Variants in GBP7 observed in about 807,000 individuals in gnomAD.
GBP7 encodes the protein guanylate binding protein 7.
GBP7 carries 43 observed loss-of-function variants against 61.3 expected under a neutral mutation model. The observed-to-expected ratio is 0.70, with a 90% CI of 0.55 to 0.91. The LOEUF is 0.91. GBP7 is among the 40% of genes least tolerant of loss of function. The pLI is 0.00. For missense variants in GBP7, 717 were observed against 740.5 expected (o/e 0.97, Z 0.37); for synonymous variants, 267 against 271.0 (o/e 0.99, Z 0.14).
chr1:89,171,750 G>A lies in GBP7; in HGVS notation c.186C>T (p.Asn62=), dbSNP rs373091260. 2.7e-5 allele frequency: 43 copies of A among 1,612,078 alleles called. No individual in the cohort carries two copies. Among genetic ancestry groups the A allele is most frequent in the Non-Finnish European group, 3.4e-5 (40 of 1,179,418 alleles). The change falls in exon 2 of 11, where the codon AAC becomes AAT. Residue 62 remains asparagine (N), a synonymous_variant. Coordinates refer to ENST00000294671, the MANE Select transcript of GBP7 (RefSeq NM_207398.3). ...TGCTTTGCTGGTGCCACTCACCTTT[G>A]TTCTTCCCAGCCAGCTTGTTCATTA... is the stretch of plus-strand genomic sequence containing the variant. The part of the protein sequence containing the change: ...SYLMNKLAGK[N]KGFPLGCTVK...
chr1:89,135,365 A>G (rs1681775759), intron 9 of GBP7, among the ~76,000 whole-genome samples: 1 of 152,160 alleles, frequency 6.6e-6, no homozygotes, highest in Non-Finnish European at 1.5e-5. Flanking sequence ...GATCCTATAC[A>G]AGATGACCAT....
intron 5 of GBP7, among the ~76,000 whole-genome samples, chr1:89,150,942 G>C (rs1682183286): frequency 6.6e-6 from 1 of 152,116 alleles, no homozygotes; most frequent in South Asian, 2.1e-4. Context: ...TTTAAAAATT[G>C]TATATATTTA....
Position 89,147,590 on chromosome 1 carries a change from G to T in GBP7, c.1342C>A (p.Leu448Ile), listed in dbSNP as rs1406069114. 3.7e-6 allele frequency: 6 copies of T among 1,613,794 alleles called. No individual in the cohort carries two copies. Among genetic ancestry groups the T allele is most frequent in the Non-Finnish European group, 5.1e-6 (6 of 1,179,764 alleles). Residue 448 changes from leucine (L) to isoleucine (I), a missense_variant, in exon 8 of 11, where the codon CTA becomes ATA. Leu to Ile is a conservative substitution (Grantham distance 5, BLOSUM62 2). Transcript: ENST00000294671. ...ACCTTAACTCCTTTTCTGGGCACTA[G>T]TGTATAGTCCTGTTCAATCTTCTTT... ...AKKKIEQDYTLVPRKGVKADE... is the reference protein window; with the variant it reads ...AKKKIEQDYTIVPRKGVKADE...
chr1:89,138,058 T>G (rs1385391420), intron 9 of GBP7, among the ~76,000 whole-genome samples: 1 of 151,902 alleles, frequency 6.6e-6, no homozygotes, highest in Admixed American at 6.6e-5. Flanking sequence ...ATAGCTATTG[T>G]GAATAACCAA....
At chr1:89,157,580 C>T (rs575398268) in intron 3 of GBP7, among the ~76,000 whole-genome samples, 7 of 152,260 alleles carry the variant, frequency 4.6e-5, no homozygotes, top group African/African-American at 1.7e-4. Context: ...ATAAACACCT[C>T]TACCAAATAA....
At chr1:89,171,356 A>G (rs1003678328) in intron 2 of GBP7, among the ~76,000 whole-genome samples, 3 of 152,172 alleles carry the variant, frequency 2.0e-5, no homozygotes, top group Non-Finnish European at 4.4e-5. Context: ...TAAAAGAGAT[A>G]AGAGAAATTA....
chr1:89,135,925 T>C (rs1285383201), intron 9 of GBP7, among the ~76,000 whole-genome samples: 2 of 152,116 alleles, frequency 1.3e-5, no homozygotes. Flanking sequence ...ACCAATCTCA[T>C]ATGCAATTAC....
chr1:89,135,172 A>G (rs1395989873), intron 9 of GBP7, among the ~76,000 whole-genome samples: 4 of 152,320 alleles, frequency 2.6e-5, no homozygotes, highest in South Asian at 4.1e-4. Flanking sequence ...AAAAGAATGA[A>G]CAAAATCTCA....
chr1:89,163,833 TTTTC>T (rs1647343095), intron 3 of GBP7, among the ~76,000 whole-genome samples: 1 of 151,940 alleles, frequency 6.6e-6, no homozygotes, highest in Admixed American at 6.6e-5. Context: ...GGTGGTTTTC[TTTTC>T]TTTTTCTTTC....
At chr1:89,171,999 T>C in intron 1 of GBP7, 45 bp from the exon 2 acceptor site, 1 of 1,360,752 alleles carries the variant, frequency 7.3e-7, no homozygotes. Flanking sequence ...GGTAAGTCAG[T>C]TGAGCTGAAA....
intron 3 of GBP7, among the ~76,000 whole-genome samples, chr1:89,164,019 G>A (rs893797903): frequency 4.0e-5 from 6 of 151,878 alleles, no homozygotes; most frequent in Admixed American, 1.3e-4. Flanking sequence ...ACAGGTGCCC[G>A]CCTCTGCGCT....
chr1:89,165,848 G>A (rs892405634), intron 2 of GBP7, among the ~76,000 whole-genome samples: 25 of 152,148 alleles, frequency 1.6e-4, no homozygotes, highest in African/African-American at 5.8e-4. Flanking sequence ...GCAAACCACC[G>A]TGACACGTGT....
intron 3 of GBP7, among the ~76,000 whole-genome samples, chr1:89,153,464 A>ATACTAC (rs1682249087): frequency 6.6e-6 from 1 of 152,234 alleles, no homozygotes; most frequent in Non-Finnish European, 1.5e-5. Context: ...ACAGCATAGT[A>ATACTAC]AGTATGTAGT....
In GBP7 at chr1:89,132,023, G is replaced by T; in HGVS notation, c.*126C>A. On this transcript the variant is annotated 3_prime_UTR_variant, in exon 11 of 11. Coordinates refer to ENST00000294671, the MANE Select transcript of GBP7 (RefSeq NM_207398.3). ...TAGTCAAAATTAAGTTTGTTTTTATGAACTTCAGGCCATAATATTCTTTGA... is the reference window on the plus strand; with the variant it reads ...TAGTCAAAATTAAGTTTGTTTTTATTAACTTCAGGCCATAATATTCTTTGA... 3.2e-6 allele frequency: 2 copies of T among 621,670 alleles called. No homozygotes were observed. Among genetic ancestry groups the T allele is most frequent in the South Asian group, 3.4e-5 (1 of 29,570 alleles). 38.5% of individuals were successfully genotyped at this position (621,670 alleles called of 1,614,324 possible).
At chr1:89,148,560 A>G (rs1278725848) in intron 7 of GBP7, among the ~76,000 whole-genome samples, 1 of 152,268 alleles carries the variant, frequency 6.6e-6, no homozygotes, top group African/African-American at 2.4e-5. Context: ...AGCTCTTTGA[A>G]AGCAGAGCTT....
rs773334605 is a variant in GBP7 at position 89,164,773 on chromosome 1, G to T, written c.276C>A (p.Thr92=). The change falls in exon 3 of 11, where the codon ACC becomes ACA. Residue 92 remains threonine (T), a synonymous_variant. Transcript: ENST00000294671. The stretch of plus-strand genomic sequence containing the variant: ...GGCCCTCCGTGTCCAGAAGGATCAG[G>T]GTGTGGTTTGGCTTGGAGGGGTGGG... ...CVPHPSKPNH[T]LILLDTEGLG... The T allele has an allele frequency of 1.2e-6, 2 of 1,613,838 alleles. No individual in the cohort carries two copies. Among genetic ancestry groups the T allele is most frequent in the South Asian group, 1.1e-5 (1 of 91,080 alleles).
Position 89,149,541 on chromosome 1 carries a change from A to G in GBP7, c.903T>C (p.Asp301=), listed in dbSNP as rs748840195. The part of the protein sequence containing the change: ...RLGMLVETYL[D]AINSGATPCL... Reference sequence around the variant, plus strand: ...AAGGAGTCGCTCCACTGTTGATGGCATCCAGGTAGGTCTCCACCAGCATCC... The same window carrying G: ...AAGGAGTCGCTCCACTGTTGATGGCGTCCAGGTAGGTCTCCACCAGCATCC... The change falls in exon 7 of 11, where the codon GAT becomes GAC. Residue 301 remains aspartate, a synonymous_variant. Coordinates refer to ENST00000294671, the MANE Select transcript of GBP7 (RefSeq NM_207398.3). 2 of 1,614,052 alleles carry G rather than the reference A, an allele frequency of 1.2e-6. No homozygotes were observed. The highest frequency in any genetic ancestry group is 2.2e-5 in the East Asian group (1 of 44,882).
intron 3 of GBP7, among the ~76,000 whole-genome samples, chr1:89,160,971 T>C (rs1023005868): frequency 3.0e-4 from 46 of 152,140 alleles, no homozygotes; most frequent in African/African-American, 1.1e-3. Flanking sequence ...ATGTGTGTTG[T>C]TTCCCTCTAT....
chr1:89,133,589 C>G lies in GBP7; in HGVS notation c.1469-138G>C, dbSNP rs1570336166. On this transcript the variant is annotated intron_variant, in intron 9 of 10. Transcript: ENST00000294671. ...GTAAAGAAGACTGATAAACTCCAAG[C>G]AGGACTTCAGAAGGAAGGCATTGAG... 4.5e-6 allele frequency: 3 copies of G among 669,828 alleles called. No individual in the cohort carries two copies. The East Asian group carries it at 7.9e-5, about 18-fold the overall frequency. 41.5% of individuals were successfully genotyped at this position (669,828 alleles called of 1,614,324 possible).
Sources: allele counts gnomAD v4.1 joint callset (sites outside exome capture counted in the v4.1 genomes callset), GRCh38; gene constraint gnomAD v4.1.1; transcripts MANE v1.5; gene names NCBI Gene and HGNC (gene_info 2026-07-23, HGNC 2026-07-21).